Variants in ANKRD17 observed in about 807,000 individuals in gnomAD.
ANKRD17 encodes ankyrin repeat domain-containing protein 17.
ANKRD17 carries 19 observed loss-of-function variants against 229.7 expected under a neutral mutation model. The observed-to-expected ratio is 0.08, with a 90% CI of 0.06 to 0.12. The LOEUF (loss-of-function observed/expected upper bound fraction) is 0.12, where lower values mean the gene tolerates loss of function less well. Among genes scored for constraint, ANKRD17 ranks in the 10% least tolerant of loss-of-function variants. The pLI is 1.00. For synonymous variants in ANKRD17, 1,112 were observed against 1,146.1 expected, an observed-to-expected ratio of 0.97 and a Z score of 0.60; for missense variants, 2,176 against 3,176.8, an observed-to-expected ratio of 0.68 and a Z score of 7.57.
Position 73,153,890 on chromosome 4 carries a change from A to G in ANKRD17, c.1224T>C (p.Ala408=). The change falls in exon 6 of 34, where the codon GCT becomes GCC. Residue 408 remains alanine, a synonymous_variant. Coordinates refer to ENST00000358602, the MANE Select transcript of ANKRD17 (RefSeq NM_032217.5). The part of the protein sequence containing the change: ...NEFKESALTL[A]CYKGHLEMVR... ...AGGTTTATACTGTACCTTTGTAACA[A>G]GCTAAGGTAAGGGCACTCTCTTTAA... is the stretch of plus-strand genomic sequence containing the variant. 1 of 1,587,570 alleles carries G rather than the reference A, an allele frequency of 6.3e-7. No homozygotes were observed. Among genetic ancestry groups the G allele is most frequent in the Non-Finnish European group, 8.6e-7 (1 of 1,168,090 alleles).
At position 73,106,827 on chromosome 4, in the gene ANKRD17, C is replaced by T. The variant is rs541588861; in HGVS notation, c.4402-4280G>A. Reference sequence around the variant, plus strand: ...CCAGGAGGCGGAGGTTGCAGTGAGCCGAGATTGCGCCATGGCCCTCCAGCC... The same window carrying T: ...CCAGGAGGCGGAGGTTGCAGTGAGCTGAGATTGCGCCATGGCCCTCCAGCC... On this transcript the variant is annotated intron_variant, in intron 24 of 33. Coordinates refer to ENST00000358602, the MANE Select transcript of ANKRD17 (RefSeq NM_032217.5). 2.6e-4 allele frequency among the ~76,000 whole-genome samples: 38 copies of T among 146,848 alleles called. No homozygotes were observed. The East Asian group carries it at 7.4e-3, about 29-fold the overall frequency.
chr4:73,139,726 G>A lies in ANKRD17; in HGVS notation c.2890C>T (p.Leu964=), dbSNP rs1729375251. 6.2e-7 allele frequency: 1 copy of A among 1,614,102 alleles called. No individual in the cohort carries two copies. Among genetic ancestry groups the A allele is most frequent in the Non-Finnish European group, 8.5e-7 (1 of 1,180,042 alleles). Residue 964 remains leucine (L), a synonymous_variant, in exon 15 of 34, where the codon CTG becomes TTG. Transcript: ENST00000358602. The part of the protein sequence containing the change: ...QPLAMPQALP[L]AAGPLPPGSI... ...CCTGGAGGCAAGGGACCTGCCGCCA[G>A]AGGCAAAGCTTGAGGCATCGCCAGA...
rs1371606953 is a variant in ANKRD17, at chr4:73,092,385, A to G, written c.5328-85T>C. ...TTTTTAATATGTATTTATGTACACA[A>G]ACACACACACAGTTTTGTGTGTATA... On this transcript the variant is annotated intron_variant, in intron 28 of 33. Transcript: ENST00000358602. 3 of 1,072,508 alleles carry G rather than the reference A, an allele frequency of 2.8e-6. No homozygotes were observed. In the East Asian group the frequency reaches 7.4e-5, roughly 27 times the overall value. The allele number at this position is 1,072,508 out of a possible 1,614,324, so 66.4% of individuals were successfully genotyped here.
chr4:73,248,843 T>C (rs1744733658), intron 1 of ANKRD17, among the ~76,000 whole-genome samples: 1 of 151,898 alleles, frequency 6.6e-6, no homozygotes, highest in Non-Finnish European at 1.5e-5. Context: ...TAAATGTTTG[T>C]CAGGTAAAAG....
At chr4:73,139,355 T>C (rs1729323655) in intron 15 of ANKRD17, among the ~76,000 whole-genome samples, 176 bp downstream of exon 15, 1 of 152,236 alleles carries the variant, frequency 6.6e-6, no homozygotes, top group Admixed American at 6.5e-5. Context: ...GAGCTAATCT[T>C]TAATTTGACC....
chr4:73,084,600 CACA>C, intron 30 of ANKRD17, among the ~76,000 whole-genome samples: 1 of 152,056 alleles, frequency 6.6e-6, no homozygotes, highest in Admixed American at 6.6e-5. Flanking sequence ...AGGTGCACAC[CACA>C]ACGCCTGGCT....
chr4:73,141,666 G>C, intron 14 of ANKRD17, 75 bp downstream of exon 14: 1 of 1,377,966 alleles, frequency 7.3e-7, no homozygotes, highest in Non-Finnish European at 1.0e-6. Context: ...TTTGTTTGTA[G>C]AAATGTCTAT....
intron 2 of ANKRD17, among the ~76,000 whole-genome samples, chr4:73,163,415 G>A (rs1024844464): frequency 5.3e-5 from 8 of 152,112 alleles, no homozygotes; most frequent in Admixed American, 2.0e-4. Flanking sequence ...CAGGCCCTAC[G>A]ATGTACTGAT....
At chr4:73,249,335 T>C (rs1307159524) in intron 1 of ANKRD17, among the ~76,000 whole-genome samples, 4 of 152,118 alleles carry the variant, frequency 2.6e-5, no homozygotes, top group Non-Finnish European at 5.9e-5. Context: ...GGCAAGCTAA[T>C]AGTATTTTTG....
intron 1 of ANKRD17, among the ~76,000 whole-genome samples, chr4:73,245,512 C>T (rs929718809): frequency 6.6e-6 from 1 of 152,154 alleles, no homozygotes; most frequent in Admixed American, 6.5e-5. Flanking sequence ...CTATGGAGAA[C>T]AGCTTCAGCC....
intron 16 of ANKRD17, among the ~76,000 whole-genome samples, chr4:73,126,137 G>A (rs1727438970): frequency 6.6e-6 from 1 of 152,120 alleles, no homozygotes; most frequent in African/African-American, 2.4e-5. Flanking sequence ...GAGAGATCAA[G>A]GTGGCTAGAA....
intron 29 of ANKRD17, among the ~76,000 whole-genome samples, chr4:73,086,029 A>T (rs1368637138): frequency 6.6e-6 from 1 of 152,130 alleles, no homozygotes; most frequent in Non-Finnish European, 1.5e-5. Context: ...TAATTATAAA[A>T]GAAACAATTA....
intron 30 of ANKRD17, 44 bp from the exon 31 acceptor site, chr4:73,078,934 A>G (rs1170284189): frequency 6.5e-7 from 1 of 1,539,708 alleles, no homozygotes; most frequent in Admixed American, 2.1e-5. Flanking sequence ...TCATCTATAG[A>G]ACATGTAATT....
chr4:73,108,131 A>C (rs1560526555), intron 24 of ANKRD17, among the ~76,000 whole-genome samples: 1 of 152,036 alleles, frequency 6.6e-6, no homozygotes, highest in Non-Finnish European at 1.5e-5. Context: ...TGAGTAGCTA[A>C]TTTTCAGGCA....
intron 18 of ANKRD17, among the ~76,000 whole-genome samples, chr4:73,123,052 T>C (rs1726965978): frequency 1.3e-5 from 2 of 152,078 alleles, no homozygotes; most frequent in South Asian, 4.1e-4. Flanking sequence ...GGCAAAATTG[T>C]TACCCTAACA....
chr4:73,249,915 T>C (rs1744835765), intron 1 of ANKRD17, among the ~76,000 whole-genome samples: 1 of 152,156 alleles, frequency 6.6e-6, no homozygotes, highest in South Asian at 2.1e-4. Flanking sequence ...AAGTAAAATC[T>C]ACAGTCCTCC....
rs1338170266 is a variant in ANKRD17, at chr4:73,121,104, C to A, written c.3636-10G>T. On this transcript the variant is annotated splice_polypyrimidine_tract_variant and intron_variant, in intron 19 of 33. Transcript: ENST00000358602. Reference sequence around the variant, plus strand: ...CAATTTGCTACCAGTTCTAGGGGTGCAGGTATGGGGAAAACAAATGGAAAA... The same window carrying A: ...CAATTTGCTACCAGTTCTAGGGGTGAAGGTATGGGGAAAACAAATGGAAAA... 6.2e-7 allele frequency: 1 copy of A among 1,607,932 alleles called. No individual in the cohort carries two copies. The highest frequency in any genetic ancestry group is 8.5e-7 in the Non-Finnish European group (1 of 1,174,818).
rs1296509343 is a variant in ANKRD17 at position 73,078,630 on chromosome 4, A to T, written c.7408+12T>A. The T allele has an allele frequency of 1.7e-5, 28 of 1,612,548 alleles. No homozygotes were observed. Among genetic ancestry groups the T allele is most frequent in the Non-Finnish European group, 2.3e-5 (27 of 1,178,742 alleles). On this transcript the variant is annotated intron_variant, in intron 31 of 33. Coordinates refer to ENST00000358602, the MANE Select transcript of ANKRD17 (RefSeq NM_032217.5). Reference sequence around the variant, plus strand: ...TAAGTTAATTTCTAGAGAGCAGGACAGAATATCCTACCTTGATTGCCACCA... The same window carrying T: ...TAAGTTAATTTCTAGAGAGCAGGACTGAATATCCTACCTTGATTGCCACCA...
intron 30 of ANKRD17, among the ~76,000 whole-genome samples, chr4:73,079,556 T>C (rs1275458137): frequency 6.6e-6 from 1 of 151,636 alleles, no homozygotes; most frequent in Admixed American, 6.6e-5. Context: ...TCATGTCCAG[T>C]TTAAAAAAAA....
Sources: allele counts gnomAD v4.1 joint callset (sites outside exome capture counted in the v4.1 genomes callset), GRCh38; gene constraint gnomAD v4.1.1; transcripts MANE v1.5; gene names NCBI Gene and HGNC (gene_info 2026-07-23, HGNC 2026-07-21).